RNF213: variants seen among roughly 807,000 people sequenced by gnomAD.
RNF213 encodes the protein ring finger protein 213.
A neutral mutation model predicts 514.4 loss-of-function variants in RNF213; 341 were observed. The observed-to-expected ratio is 0.66, with a 90% CI of 0.61 to 0.73. The LOEUF (loss-of-function observed/expected upper bound fraction) is 0.73, where lower values mean the gene tolerates loss of function less well. Ranked by LOEUF, RNF213 falls within the 30% of genes least tolerant of loss-of-function variation. The pLI, the probability that RNF213 is intolerant of heterozygous loss-of-function variation, is 0.00. For missense variants in RNF213, 5,767 were observed against 6,615.6 expected (o/e 0.87, Z 4.45); for synonymous variants, 2,655 against 2,658.2 (o/e 1.00, Z 0.04).
At position 80,346,498 on chromosome 17, in the gene RNF213, T is replaced by C. The variant is rs749603018; in HGVS notation, c.8163T>C (p.Leu2721=). ...FPKPYDDSRL[L]LDEITRAQDL... ...AACCGTATGACGACAGCAGGCTGCT[T>C]CTGGATGAAATAACACGGGCACAGG... Residue 2721 remains leucine, a synonymous_variant, in exon 29 of 68, where the codon CTT becomes CTC. Transcript: ENST00000582970. This position sits in a 1 kb window ranked among gnomAD's most constrained non-coding sequence, Gnocchi z 8.1. The C allele has an allele frequency of 6.2e-7, 1 of 1,613,720 alleles. No homozygotes were observed. The highest frequency in any genetic ancestry group is 1.1e-5 in the South Asian group (1 of 91,070).
intron 14 of RNF213, among the ~76,000 whole-genome samples, chr17:80,312,276 G>T (rs2045597137): frequency 6.6e-6 from 1 of 152,224 alleles, no homozygotes; most frequent in Non-Finnish European, 1.5e-5. Flanking sequence ...GAGGAGGAAG[G>T]AGAGGGAGGA....
Position 80,332,035 on chromosome 17 carries a change from TCA to T in RNF213, c.3550_3551del (p.Gln1184ArgfsTer5). ...CTTTGGAGTGCTTGCAGTAAGACAC[TCA>T]CAAGACCTCAGCAGTAAAAGATTAA... ...VDFGVLAVRH[S>X]QDLSSKRLND... On this transcript the variant is annotated frameshift_variant, in exon 21 of 68. Coordinates refer to ENST00000582970, the MANE Select transcript of RNF213 (RefSeq NM_001256071.3). LOFTEE classifies it high-confidence loss of function. 6.5e-7 allele frequency: 1 copy of T among 1,536,784 alleles called. No individual in the cohort carries two copies. The highest frequency in any genetic ancestry group is 8.7e-7 in the Non-Finnish European group (1 of 1,146,684).
At chr17:80,352,845 T>A in intron 32 of RNF213, 95 bp from the exon 33 acceptor site, 1 of 1,577,570 alleles carries the variant, frequency 6.3e-7, no homozygotes, top group Non-Finnish European at 8.7e-7. Context: ...CGCAGCAAGA[T>A]AATGACAAGC....
chr17:80,329,996 TCTAA>T (rs2046370934), intron 20 of RNF213, among the ~76,000 whole-genome samples: 1 of 152,234 alleles, frequency 6.6e-6, no homozygotes, highest in Admixed American at 6.5e-5. Context: ...TGGATGATCA[TCTAA>T]CTGTCATCAT....
intron 3 of RNF213, among the ~76,000 whole-genome samples, chr17:80,282,058 T>C (rs1055702179): frequency 3.3e-5 from 5 of 152,020 alleles, no homozygotes; most frequent in African/African-American, 1.2e-4. Flanking sequence ...GGTTTTGCCA[T>C]GTTGGCTAGG....
rs149388081 is a variant in RNF213 at position 80,346,538 on chromosome 17, G to A, written c.8203G>A (p.Gly2735Ser). The A allele has an allele frequency of 3.7e-5, 60 of 1,613,282 alleles. No homozygotes were observed. The highest frequency in any genetic ancestry group is 4.6e-5 in the Non-Finnish European group (54 of 1,180,036). ...ACGGGCACAGGATCTTTTTCTGGAC[G>A]GCGTACCTCTGAGGAAAACCATCGC... ...ITRAQDLFLD[G>S]VPLRKTIAKN... The change falls in exon 29 of 68, where the codon GGC (glycine) becomes AGC (serine). Residue 2735 changes from glycine to serine, a missense_variant. Coordinates refer to ENST00000582970, the MANE Select transcript of RNF213 (RefSeq NM_001256071.3). This position sits in a 1 kb window ranked among gnomAD's most constrained non-coding sequence, Gnocchi z 8.1.
chr17:80,338,470 A>T (rs1320226151), intron 25 of RNF213, among the ~76,000 whole-genome samples: 1 of 152,116 alleles, frequency 6.6e-6, no homozygotes, highest in East Asian at 1.9e-4. Context: ...TCTAAAGTTG[A>T]TTTGTACTTT....
chr17:80,348,283 A>G lies in RNF213; in HGVS notation c.9948A>G (p.Thr3316=). The change falls in exon 29 of 68, where the codon ACA becomes ACG. Residue 3316 remains threonine, a synonymous_variant. Coordinates refer to ENST00000582970, the MANE Select transcript of RNF213 (RefSeq NM_001256071.3). ...ACCTGGAGCGCCACGCCATCTTCAC[A>G]GAGGTGATTGTCTTTCTGCACTTGT... ...TADLERHAIF[T]EITTFSRLLT... The G allele has an allele frequency of 6.2e-7, 1 of 1,612,050 alleles. No individual in the cohort carries two copies. Among genetic ancestry groups the G allele is most frequent in the Non-Finnish European group, 8.5e-7 (1 of 1,180,016 alleles).
At chr17:80,268,654 T>TCTAG (rs2043695520) in intron 2 of RNF213, among the ~76,000 whole-genome samples, 2 of 151,506 alleles carry the variant, frequency 1.3e-5, no homozygotes, top group Admixed American at 1.3e-4. Flanking sequence ...TGTCTATCTA[T>TCTAG]CTGTCATCTG....
At chr17:80,350,529 C>T in intron 31 of RNF213, 133 bp downstream of exon 31, 1 of 680,376 alleles carries the variant, frequency 1.5e-6, no homozygotes, top group Non-Finnish European at 2.6e-6. Context: ...CTTCCCCCGC[C>T]TCATTCCCCC....
Position 80,348,254 on chromosome 17 carries a change from G to A in RNF213, c.9919G>A (p.Ala3307Thr). The stretch of plus-strand genomic sequence containing the variant: ...TTTCCTTCAGGCACACCTGCACACG[G>A]CAGACCTGGAGCGCCACGCCATCTT... ...ADFLQAHLHTADLERHAIFTE... is the reference protein window; with the variant it reads ...ADFLQAHLHTTDLERHAIFTE... Residue 3307 changes from alanine (A) to threonine (T), a missense_variant, in exon 29 of 68, where the codon GCA (alanine) becomes ACA (threonine). Physicochemically the swap from Ala to Thr is moderately conservative, Grantham distance 58. Coordinates refer to ENST00000582970, the MANE Select transcript of RNF213 (RefSeq NM_001256071.3). The A allele has an allele frequency of 6.2e-7, 1 of 1,613,742 alleles. No individual in the cohort carries two copies. The highest frequency in any genetic ancestry group is 8.5e-7 in the Non-Finnish European group (1 of 1,180,046).
In RNF213 at chr17:80,316,450, C is replaced by T. The variant is rs548721904; in HGVS notation, c.2812-738C>T. The T allele has an allele frequency of 2.0e-5, 3 of 152,730 alleles. No homozygotes were observed. The South Asian group carries it at 6.2e-4, about 32-fold the overall frequency. 9.5% of individuals were successfully genotyped at this position (152,730 alleles called of 1,614,324 possible). ...AAAAGAAAAAAATGACCAGGGAACT[C>T]TTCTAGAAAAGAGATGTGATAAGTA... On this transcript the variant is annotated intron_variant, in intron 15 of 67. Transcript: ENST00000582970.
At chr17:80,330,502 G>T (rs1453590751) in intron 20 of RNF213, among the ~76,000 whole-genome samples, 1 of 152,168 alleles carries the variant, frequency 6.6e-6, no homozygotes, top group Non-Finnish European at 1.5e-5. Context: ...GGGCTGGCGG[G>T]CCTTGGCATC....
chr17:80,364,398 C>A, intron 41 of RNF213, 35 bp from the exon 42 acceptor site: 1 of 1,613,548 alleles, frequency 6.2e-7, no homozygotes, highest in South Asian at 1.1e-5. Flanking sequence ...TGGTGGGAGC[C>A]GAGTGAGTGA....
At chr17:80,299,368 C>G (rs2045089096) in intron 11 of RNF213, among the ~76,000 whole-genome samples, 2 of 152,048 alleles carry the variant, frequency 1.3e-5, no homozygotes. Context: ...GAGATAGATT[C>G]CTACAAGTGG....
Position 80,317,406 on chromosome 17 carries a change from G to T in RNF213, c.2901+129G>T, listed in dbSNP as rs1006025114. On this transcript the variant is annotated intron_variant, in intron 16 of 67. Transcript: ENST00000582970. This position sits in a 1 kb window ranked among gnomAD's most constrained non-coding sequence, Gnocchi z 4.1. ...CAGGGATGGGGTGAATCACAGCTCCGTGTTTCTGTTTCTGATCCAGCCCTT... is the reference window on the plus strand; with the variant it reads ...CAGGGATGGGGTGAATCACAGCTCCTTGTTTCTGTTTCTGATCCAGCCCTT... 1.1e-5 allele frequency: 9 copies of T among 827,586 alleles called. No homozygotes were observed. The African/African-American group carries it at 1.2e-4, about 11-fold the overall frequency. The allele number at this position is 827,586 out of a possible 1,614,324, so 51.3% of individuals were successfully genotyped here. A position where few individuals can be genotyped will look rare whatever the true frequency, so the allele number is the denominator to read the frequency against.
chr17:80,380,661 G>GTCTATCAT (rs1315938715), intron 55 of RNF213, among the ~76,000 whole-genome samples, 170 bp from the exon 56 acceptor site: 1 of 152,170 alleles, frequency 6.6e-6, no homozygotes, highest in Non-Finnish European at 1.5e-5. Flanking sequence ...GGAAAGGCGA[G>GTCTATCAT]TCTATCATGA....
intron 10 of RNF213, among the ~76,000 whole-genome samples, chr17:80,297,225 G>A (rs1339023339): frequency 6.6e-6 from 1 of 151,798 alleles, no homozygotes; most frequent in South Asian, 2.1e-4. Flanking sequence ...GTCGAGGCAG[G>A]CGGATCACAA....
At chr17:80,392,741 C>G (rs778597109) in intron 67 of RNF213, among the ~76,000 whole-genome samples, 3 of 152,080 alleles carry the variant, frequency 2.0e-5, no homozygotes, top group African/African-American at 7.2e-5. Context: ...AGGCACCCAC[C>G]GCCATGCCTG....
Sources: allele counts gnomAD v4.1 joint callset (sites outside exome capture counted in the v4.1 genomes callset), GRCh38; gene constraint gnomAD v4.1.1; non-coding constraint Gnocchi (gnomAD v3.1); transcripts MANE v1.5; gene names NCBI Gene and HGNC (gene_info 2026-07-23, HGNC 2026-07-21).